KCNIP1: variants seen among roughly 807,000 people sequenced by gnomAD.
KCNIP1 encodes the protein A-type potassium channel modulatory protein KCNIP1.
A neutral mutation model predicts 33.0 loss-of-function variants in KCNIP1; 18 were observed. The observed-to-expected ratio is 0.55, with a 90% CI of 0.38 to 0.81. The LOEUF (loss-of-function observed/expected upper bound fraction) is 0.81, where lower values mean the gene tolerates loss of function less well. Among genes scored for constraint, KCNIP1 ranks in the 30% least tolerant of loss-of-function variants. The pLI, the probability that KCNIP1 is intolerant of heterozygous loss-of-function variation, is 0.00. For synonymous variants in KCNIP1, 93 were observed against 98.3 expected, an observed-to-expected ratio of 0.95 and a Z score of 0.32; for missense variants, 238 against 271.6, an observed-to-expected ratio of 0.88 and a Z score of 0.87.
chr5:170,437,164 G>A (rs746694594), intron 1 of KCNIP1, among the ~76,000 whole-genome samples: 4 of 152,188 alleles, frequency 2.6e-5, no homozygotes, highest in South Asian at 2.1e-4. Context: ...TCTTCTCTGC[G>A]TCTCTGCATC....
chr5:170,682,784 C>CTTTTTTTTTTTGTTTTT (rs1762397142), intron 1 of KCNIP1, among the ~76,000 whole-genome samples: 1 of 71,404 alleles, frequency 1.4e-5, no homozygotes. Flanking sequence ...TTCTTTGTTT[C>CTTTTTTTTTTTGTTTTT]TTTTTTTTTT....
intron 1 of KCNIP1, chr5:170,486,124 A>G (rs148991626): frequency 6.6e-6 from 1 of 152,164 alleles, no homozygotes; most frequent in East Asian, 1.9e-4. Flanking sequence ...CGTGTTGACT[A>G]AGGTCACACA....
intron 5 of KCNIP1, among the ~76,000 whole-genome samples, chr5:170,723,430 C>T (rs890105241): frequency 6.6e-6 from 1 of 152,076 alleles, no homozygotes; most frequent in African/African-American, 2.4e-5. Context: ...ACTTTGGTAT[C>T]CACTGTATCC....
chr5:170,652,190 G>A (rs1417804687), intron 1 of KCNIP1, among the ~76,000 whole-genome samples: 1 of 152,054 alleles, frequency 6.6e-6, no homozygotes, highest in East Asian at 1.9e-4. Flanking sequence ...GCCAAGAATA[G>A]AAGACCTGAA....
chr5:170,646,557 ACT>A (rs1426316714), intron 1 of KCNIP1, among the ~76,000 whole-genome samples: 1 of 152,186 alleles, frequency 6.6e-6, no homozygotes, highest in African/African-American at 2.4e-5. Context: ...TGTGATTAAA[ACT>A]CTCAAAAAAC....
chr5:170,690,059 G>A (rs1026026291), intron 1 of KCNIP1, among the ~76,000 whole-genome samples: 3 of 152,212 alleles, frequency 2.0e-5, no homozygotes, highest in Non-Finnish European at 4.4e-5. Flanking sequence ...CAGTGGTTAT[G>A]TCTGCTCTAC....
intron 1 of KCNIP1, among the ~76,000 whole-genome samples, chr5:170,515,439 C>T (rs1281041752): frequency 6.6e-6 from 1 of 152,172 alleles, no homozygotes. Context: ...CTGCCTTCCC[C>T]TGAAGAAGAA....
rs1581132448 is a variant in KCNIP1, at chr5:170,383,245, T to G, written c.88+29281T>G. The G allele has an allele frequency of 9.7e-6, 3 of 308,950 alleles. No homozygotes were observed. The East Asian group carries it at 1.9e-4, about 20-fold the overall frequency. 19.1% of individuals were successfully genotyped at this position (308,950 alleles called of 1,614,324 possible). On this transcript the variant is annotated intron_variant, in intron 1 of 7. Coordinates refer to the KCNIP1 transcript ENST00000377360. Reference sequence around the variant, plus strand: ...CTGGGGAGTCACCGGGATTCCACTTTGAGGATCTGGCCCTGGGCCTGGTCC... The same window carrying G: ...CTGGGGAGTCACCGGGATTCCACTTGGAGGATCTGGCCCTGGGCCTGGTCC...
intron 1 of KCNIP1, among the ~76,000 whole-genome samples, chr5:170,589,009 T>TC (rs1758103742): frequency 6.7e-6 from 1 of 149,446 alleles, no homozygotes; most frequent in Admixed American, 6.6e-5. Flanking sequence ...TTTTTTTTTT[T>TC]TTTTTTTGAG....
chr5:170,704,653 G>C (rs1000069037), intron 1 of KCNIP1, among the ~76,000 whole-genome samples: 1 of 152,094 alleles, frequency 6.6e-6, no homozygotes, highest in Non-Finnish European at 1.5e-5. Flanking sequence ...TGATGGAAAG[G>C]GATTCCTCCT....
At chr5:170,436,675 G>A (rs1289554541) in intron 1 of KCNIP1, among the ~76,000 whole-genome samples, 1 of 152,232 alleles carries the variant, frequency 6.6e-6, no homozygotes, top group Non-Finnish European at 1.5e-5. Flanking sequence ...CCGTGCATGT[G>A]TGTGTTCCCC....
intron 1 of KCNIP1, among the ~76,000 whole-genome samples, chr5:170,613,571 G>A (rs1581398701): frequency 6.6e-6 from 1 of 152,270 alleles, no homozygotes; most frequent in East Asian, 1.9e-4. Flanking sequence ...AGATGGGAGG[G>A]AGAGAAATAG....
chr5:170,487,666 C>T (rs897254444), intron 1 of KCNIP1, among the ~76,000 whole-genome samples: 6 of 151,924 alleles, frequency 3.9e-5, no homozygotes, highest in African/African-American at 1.2e-4. Flanking sequence ...GAACCACAGG[C>T]GCATGCCACC....
Position 170,623,006 on chromosome 5 carries a change from T to G in KCNIP1, c.62-95752T>G, listed in dbSNP as rs564277343. ...TCATCAGGCATTAGCATTAGTTAGATTCTCATAAGGAGTGAGCAACCTAGA... is the reference window on the plus strand; with the variant it reads ...TCATCAGGCATTAGCATTAGTTAGAGTCTCATAAGGAGTGAGCAACCTAGA... On this transcript the variant is annotated intron_variant, in intron 1 of 7. Coordinates refer to ENST00000328939, the MANE Select transcript of KCNIP1 (RefSeq NM_014592.4). 7.7e-4 allele frequency among the ~76,000 whole-genome samples: 117 copies of G among 152,348 alleles called. 5 individuals are homozygous for G. The South Asian group carries it at 0.022, about 29-fold the overall frequency.
chr5:170,472,310 C>T (rs1241054701), intron 1 of KCNIP1, among the ~76,000 whole-genome samples: 1 of 152,236 alleles, frequency 6.6e-6, no homozygotes, highest in Non-Finnish European at 1.5e-5. Flanking sequence ...GGCAAAACTG[C>T]AAGGGTGGAT....
chr5:170,383,912 C>T (rs1764360824), intron 1 of KCNIP1: 1 of 1,536,252 alleles, frequency 6.5e-7, no homozygotes, highest in Non-Finnish European at 8.9e-7. Flanking sequence ...ACAGAACACC[C>T]ATTTGAACCC....
intron 1 of KCNIP1, among the ~76,000 whole-genome samples, chr5:170,358,856 G>A (rs1763421221): frequency 6.6e-6 from 1 of 152,122 alleles, no homozygotes; most frequent in Non-Finnish European, 1.5e-5. Flanking sequence ...TAGAACCCAG[G>A]TCTTGCTGCA....
In KCNIP1 at chr5:170,545,420, A is replaced by G. The variant is rs1038984896; in HGVS notation, c.61+40787A>G. On this transcript the variant is annotated intron_variant, in intron 1 of 7. Coordinates refer to ENST00000328939, the MANE Select transcript of KCNIP1 (RefSeq NM_014592.4). ...ATCAATGAGTTGGTTTCTCTCATCA[A>G]TTTTCGGAAACTCTTGATCATTGTC... Among the ~76,000 whole-genome samples the G allele has an allele frequency of 5.9e-5, 9 of 151,946 alleles. No individual in the cohort carries two copies. In the East Asian group the frequency reaches 1.3e-3, roughly 23 times the overall value.
chr5:170,541,578 A>G (rs1756212076), intron 1 of KCNIP1, among the ~76,000 whole-genome samples: 1 of 152,242 alleles, frequency 6.6e-6, no homozygotes, highest in African/African-American at 2.4e-5. Flanking sequence ...CCAGCCACCC[A>G]GGTGACTGAG....
Sources: gnomAD v4.1 joint callset for allele counts (sites outside exome capture counted in the v4.1 genomes callset) on GRCh38, gnomAD v4.1.1 for gene constraint, MANE v1.5 for transcripts, NCBI Gene and HGNC (gene_info 2026-07-23, HGNC 2026-07-21) for gene names.